Variants in RNFT2 observed in about 807,000 individuals in gnomAD.
RNFT2 encodes the protein E3 ubiquitin-protein ligase RNFT2.
In RNFT2, 36 loss-of-function variants were observed where a neutral mutation model predicts 53.0. The observed-to-expected ratio is 0.68, with a 90% CI of 0.52 to 0.90. RNFT2 has a LOEUF of 0.90. RNFT2 is among the 40% of genes least tolerant of loss of function. The pLI is 0.00. For synonymous variants in RNFT2, 260 were observed against 253.2 expected (o/e 1.03, Z -0.26); for missense variants, 514 against 585.6 (o/e 0.88, Z 1.26).
chr12:116,839,212 TGGTGAATCACAA>T (rs1877124806), intron 10 of RNFT2, among the ~76,000 whole-genome samples: 1 of 152,184 alleles, frequency 6.6e-6, no homozygotes, highest in Admixed American at 6.6e-5. Context: ...GTCTGCCTCC[TGGTGAATCACAA>T]GCAACATGAG....
intron 5 of RNFT2, among the ~76,000 whole-genome samples, chr12:116,759,211 A>G (rs918948286): frequency 1.3e-5 from 2 of 152,118 alleles, no homozygotes; most frequent in Non-Finnish European, 2.9e-5. Flanking sequence ...CTGAATTTTT[A>G]ATAGTTTTTT....
chr12:116,842,514 A>C (rs567683416), intron 10 of RNFT2, among the ~76,000 whole-genome samples: 1 of 152,306 alleles, frequency 6.6e-6, no homozygotes, highest in South Asian at 2.1e-4. Flanking sequence ...AATTATGCAC[A>C]TAAAGAACAT....
chr12:116,838,937 G>T (rs1350857730), intron 10 of RNFT2, among the ~76,000 whole-genome samples: 7 of 152,328 alleles, frequency 4.6e-5, no homozygotes, highest in South Asian at 4.1e-4. Context: ...TTGCTCTGTT[G>T]CTGTGAGCTA....
At chr12:116,750,907 TA>T (rs36045826) in intron 4 of RNFT2, among the ~76,000 whole-genome samples, 274 of 4,448 alleles carry the variant, frequency 0.062, 16 homozygotes, top group Middle Eastern at 0.21. Context: ...TATATATATA[TA>T]TTTTTTTTTG....
rs532858721 is a variant in RNFT2 at position 116,807,118 on chromosome 12, C to T, written c.883-26674C>T. ...CAATGGCCCTAAGCAAAGATTGAGA[C>T]GCTTATTTTGAAAGAGGAAGGGGAG... On this transcript the variant is annotated intron_variant, in intron 7 of 10. Coordinates refer to ENST00000257575, the MANE Select transcript of RNFT2 (RefSeq NM_001382266.1). 9.9e-5 allele frequency among the ~76,000 whole-genome samples: 15 copies of T among 152,142 alleles called. No individual in the cohort carries two copies. The South Asian group carries it at 1.2e-3, about 13-fold the overall frequency.
intron 7 of RNFT2, among the ~76,000 whole-genome samples, chr12:116,805,672 C>T (rs529033879): frequency 4.2e-4 from 64 of 152,216 alleles, no homozygotes; most frequent in Non-Finnish European, 6.6e-4. Flanking sequence ...CAGGGTTTTG[C>T]CATGTTGGCC....
intron 10 of RNFT2, among the ~76,000 whole-genome samples, chr12:116,841,952 T>TATATATATAAACATATATATAA (rs1565876260): frequency 1.4e-4 from 3 of 21,994 alleles, no homozygotes; most frequent in Non-Finnish European, 1.4e-4. Context: ...TATATAAATA[T>TATATATATAAACATATATATAA]ATATATAGAG....
chr12:116,820,750 A>G (rs763245573), intron 7 of RNFT2, among the ~76,000 whole-genome samples: 4 of 152,084 alleles, frequency 2.6e-5, no homozygotes, highest in Non-Finnish European at 5.9e-5. Flanking sequence ...CTGTCTAGCA[A>G]CTTCGAACAA....
At chr12:116,783,564 C>T (rs576428489) in intron 7 of RNFT2, among the ~76,000 whole-genome samples, 1 of 152,364 alleles carries the variant, frequency 6.6e-6, no homozygotes, top group East Asian at 1.9e-4. Flanking sequence ...CCTGCAGGCA[C>T]AAGGCACATC....
chr12:116,796,072 CTAACTTTTG>C lies in RNFT2; in HGVS notation c.882+16727_882+16735del, dbSNP rs369460415. Among the ~76,000 whole-genome samples the C allele has an allele frequency of 8.7e-4, 132 of 152,224 alleles. 4 individuals are homozygous for C. In the South Asian group the frequency reaches 0.026, roughly 29 times the overall value. On this transcript the variant is annotated intron_variant, in intron 7 of 10. Transcript: ENST00000257575. ...TACAGGCGCCCACCACCACACCCAGCTAACTTTTGTATTTTTAGTAGAGAAGGGTTTTCA... is the reference window on the plus strand; with the variant it reads ...TACAGGCGCCCACCACCACACCCAGCTATTTTTAGTAGAGAAGGGTTTTCA...
chr12:116,815,465 C>A (rs1197608219), intron 7 of RNFT2, among the ~76,000 whole-genome samples: 1 of 152,166 alleles, frequency 6.6e-6, no homozygotes, highest in Non-Finnish European at 1.5e-5. Flanking sequence ...ATTTTCTTGT[C>A]TTTTCTAGCT....
At chr12:116,838,399 G>A (rs1437988660) in intron 10 of RNFT2, among the ~76,000 whole-genome samples, 1 of 152,142 alleles carries the variant, frequency 6.6e-6, no homozygotes, top group Non-Finnish European at 1.5e-5. Context: ...ATGAGCTCTT[G>A]GTAGGATAAA....
chr12:116,824,684 C>T (rs1211864050), intron 7 of RNFT2, among the ~76,000 whole-genome samples: 3 of 152,218 alleles, frequency 2.0e-5, no homozygotes, highest in African/African-American at 7.2e-5. Context: ...TGAAGACCCT[C>T]TTCCTGGCTT....
intron 7 of RNFT2, among the ~76,000 whole-genome samples, chr12:116,795,810 C>T (rs980005063): frequency 2.0e-5 from 3 of 152,186 alleles, no homozygotes; most frequent in East Asian, 1.9e-4. Context: ...CTGGAGTCAA[C>T]GAAACTGGGG....
intron 7 of RNFT2, among the ~76,000 whole-genome samples, chr12:116,832,349 G>T (rs760630700): frequency 1.3e-4 from 19 of 151,632 alleles, no homozygotes; most frequent in African/African-American, 4.4e-4. Context: ...TCTTTGATTC[G>T]ACATAATGTT....
In RNFT2 at chr12:116,830,290, T is replaced by C. The variant is rs1306295155; in HGVS notation, c.883-3502T>C. ...TTATTTTGTTTTTCAATTTTTATTG[T>C]TGTTTTTTTGTTTTCGAGACAGGGT... is the stretch of plus-strand genomic sequence containing the variant. On this transcript the variant is annotated intron_variant, in intron 7 of 10. Transcript: ENST00000257575. Among the ~76,000 whole-genome samples the C allele has an allele frequency of 2.6e-5, 4 of 152,102 alleles. No homozygotes were observed. In the East Asian group the frequency reaches 7.7e-4, roughly 29 times the overall value.
chr12:116,744,625 A>G (rs1377294924), intron 3 of RNFT2, among the ~76,000 whole-genome samples: 8 of 152,208 alleles, frequency 5.3e-5, no homozygotes, highest in Admixed American at 5.2e-4. Context: ...GTGTCTGAGC[A>G]GAACCACTTT....
rs750193491 is a variant in RNFT2 at position 116,849,845 on chromosome 12, C to CT, written c.*413dup. 301 of 78,936 alleles carry CT rather than the reference C, an allele frequency of 3.8e-3. 1 individual carries two copies. The highest frequency in any genetic ancestry group is 8.3e-3 in the South Asian group (23 of 2,774). 4.9% of individuals were successfully genotyped at this position (78,936 alleles called of 1,614,324 possible). A position where few individuals can be genotyped will look rare whatever the true frequency, so the allele number is the denominator to read the frequency against. On this transcript the variant is annotated 3_prime_UTR_variant, in exon 11 of 11. Transcript: ENST00000257575. ...CCCTCCCTCCTTCCTTCCTTCCTTCCTTTTTTTTTTTTTTTTAAAACAAGG... is the reference window on the plus strand; with the variant it reads ...CCCTCCCTCCTTCCTTCCTTCCTTCCTTTTTTTTTTTTTTTTTAAAACAAGG...
chr12:116,828,127 C>T (rs1010290421), intron 7 of RNFT2, among the ~76,000 whole-genome samples: 1 of 152,204 alleles, frequency 6.6e-6, no homozygotes, highest in Non-Finnish European at 1.5e-5. Context: ...AGATGGCGCT[C>T]AGACCAGTGA....
Sources: gnomAD v4.1 joint callset for allele counts (sites outside exome capture counted in the v4.1 genomes callset) on GRCh38, gnomAD v4.1.1 for gene constraint, MANE v1.5 for transcripts, NCBI Gene and HGNC (gene_info 2026-07-23, HGNC 2026-07-21) for gene names.